The following UGT1A10 variants were observed in gnomAD, a reference collection of about 807,000 sequenced individuals.
The protein encoded by UGT1A10 is UDP glucuronosyltransferase family 1 member A10.
Under a neutral mutation model 45.8 loss-of-function variants are expected in UGT1A10, and 49 were observed. The observed-to-expected ratio is 1.07, with a 90% CI of 0.85 to 1.36. The LOEUF is 1.36. Ranked by LOEUF, UGT1A10 falls within the 40% of genes most tolerant of loss-of-function variation. UGT1A10 has a pLI of 0.00. For synonymous variants in UGT1A10, 284 were observed against 249.7 expected, an observed-to-expected ratio of 1.14 and a Z score of -1.29; for missense variants, 745 against 668.6, an observed-to-expected ratio of 1.11 and a Z score of -1.26.
chr2:233,668,576 T>A (rs2074122927), intron 1 of UGT1A10, among the ~76,000 whole-genome samples: 1 of 152,216 alleles, frequency 6.6e-6, no homozygotes, highest in South Asian at 2.1e-4. Context: ...TACCCAGTAA[T>A]GGGATGGCTG....
chr2:233,759,778 A>G (rs2125976593), intron 1 of UGT1A10, among the ~76,000 whole-genome samples: 1 of 152,308 alleles, frequency 6.6e-6, no homozygotes, highest in South Asian at 2.1e-4. Flanking sequence ...TGTTGGACGA[A>G]GGAATGAAAC....
chr2:233,724,246 C>T (rs1219453844), intron 1 of UGT1A10, among the ~76,000 whole-genome samples: 28 of 121,870 alleles, frequency 2.3e-4, no homozygotes, highest in African/African-American at 8.0e-4. Context: ...CGGGCAGAGG[C>T]GCCCCTCACC....
chr2:233,675,766 G>T (rs924874069), intron 1 of UGT1A10, among the ~76,000 whole-genome samples: 3 of 151,940 alleles, frequency 2.0e-5, no homozygotes, highest in African/African-American at 7.3e-5. Context: ...TCTTTTTAAA[G>T]AAAACTTTTA....
At chr2:233,681,880 C>T (rs924708101) in intron 1 of UGT1A10, 121 of 1,550,920 alleles carry the variant, frequency 7.8e-5, no homozygotes, top group South Asian at 5.5e-4. Context: ...ACTTCTTCCA[C>T]TTACTATATT....
At chr2:233,658,257 G>C (rs1004423839) in intron 1 of UGT1A10, among the ~76,000 whole-genome samples, 4 of 152,078 alleles carry the variant, frequency 2.6e-5, no homozygotes, top group Admixed American at 1.3e-4. Flanking sequence ...GACCTCAAGA[G>C]ACCCACGGAC....
chr2:233,639,620 G>A (rs1021587582), intron 1 of UGT1A10, among the ~76,000 whole-genome samples: 1 of 152,192 alleles, frequency 6.6e-6, no homozygotes, highest in African/African-American at 2.4e-5. Flanking sequence ...GTATGTGCAG[G>A]TGTGTTTGCG....
intron 1 of UGT1A10, chr2:233,743,644 G>T (rs1317452521): frequency 1.5e-6 from 2 of 1,367,194 alleles, no homozygotes; most frequent in East Asian, 9.1e-5. Flanking sequence ...CGCGGAAGCT[G>T]AAGACGTACT....
chr2:233,647,871 C>T, intron 1 of UGT1A10: 2 of 1,409,650 alleles, frequency 1.4e-6, no homozygotes. Flanking sequence ...TTTTCTATTT[C>T]CTATTTCATT....
At chr2:233,684,201 C>T (rs893084348) in intron 1 of UGT1A10, among the ~76,000 whole-genome samples, 4 of 152,164 alleles carry the variant, frequency 2.6e-5, no homozygotes, top group Non-Finnish European at 5.9e-5. Flanking sequence ...GACTGTTCAA[C>T]CAACTCATGG....
At position 233,709,733 on chromosome 2, in the gene UGT1A10, T is replaced by C. The variant is rs190992275; in HGVS notation, c.856-57301T>C. Reference sequence around the variant, plus strand: ...AATTGAATGATATGTTTTCAATTGATACTACTAAAATAAACATTATTGGAG... The same window carrying C: ...AATTGAATGATATGTTTTCAATTGACACTACTAAAATAAACATTATTGGAG... On this transcript the variant is annotated intron_variant, in intron 1 of 4. Coordinates refer to ENST00000344644, the MANE Select transcript of UGT1A10 (RefSeq NM_019075.4). Among the ~76,000 whole-genome samples the C allele has an allele frequency of 3.6e-3, 552 of 152,338 alleles. 2 individuals are homozygous for C. Among genetic ancestry groups the C allele is most frequent in the Admixed American group, 8.6e-3 (131 of 15,306 alleles).
At chr2:233,767,620 G>T (rs555830057) in intron 2 of UGT1A10, among the ~76,000 whole-genome samples, 1 of 152,270 alleles carries the variant, frequency 6.6e-6, no homozygotes, top group South Asian at 2.1e-4. Flanking sequence ...TAAGTGCACA[G>T]CTTGATAAAT....
intron 1 of UGT1A10, among the ~76,000 whole-genome samples, chr2:233,645,073 G>T (rs910288967): frequency 1.3e-5 from 2 of 152,182 alleles, no homozygotes; most frequent in Non-Finnish European, 2.9e-5. Flanking sequence ...TAGGGACATT[G>T]TCCAATATCA....
Position 233,767,097 on chromosome 2 carries a change from A to G in UGT1A10, c.919A>G (p.Met307Val), listed in dbSNP as rs1699317728. ...HGIVVFSLGS[M>V]VSEIPEKKAM... The stretch of plus-strand genomic sequence containing the variant: ...AATTGTGGTTTTCTCTTTGGGATCA[A>G]TGGTCTCAGAAATTCCAGAGAAGAA... The change falls in exon 2 of 5, where the codon ATG becomes GTG. Residue 307 changes from methionine (M) to valine (V), a missense_variant. Transcript: ENST00000344644. 1 of 1,614,142 alleles carries G rather than the reference A, an allele frequency of 6.2e-7. No individual in the cohort carries two copies. Among genetic ancestry groups the G allele is most frequent in the Non-Finnish European group, 8.5e-7 (1 of 1,180,030 alleles).
At chr2:233,718,190 C>T (rs2076637077) in intron 1 of UGT1A10, among the ~76,000 whole-genome samples, 1 of 152,170 alleles carries the variant, frequency 6.6e-6, no homozygotes, top group African/African-American at 2.4e-5. Context: ...GCTCAGCCTC[C>T]CCGGAGCTTT....
At chr2:233,650,216 T>C (rs2073705737) in intron 1 of UGT1A10, among the ~76,000 whole-genome samples, 3 of 152,126 alleles carry the variant, frequency 2.0e-5, no homozygotes, top group African/African-American at 7.2e-5. Context: ...GTGATCTGCC[T>C]GCCTCGGCCT....
At chr2:233,661,166 C>CTT (rs35723461) in intron 1 of UGT1A10, among the ~76,000 whole-genome samples, 7 of 151,080 alleles carry the variant, frequency 4.6e-5, no homozygotes, top group South Asian at 4.2e-4. Context: ...TAGTTTCAGA[C>CTT]TTTTTTTTTC....
At chr2:233,717,660 C>T (rs1182595168) in intron 1 of UGT1A10, 1 of 409,710 alleles carries the variant, frequency 2.4e-6, no homozygotes, top group Non-Finnish European at 5.0e-6. Context: ...AAGGAAGCAT[C>T]AGCAATCTTG....
At chr2:233,755,462 T>C (rs1695929337) in intron 1 of UGT1A10, 1 of 276,566 alleles carries the variant, frequency 3.6e-6, no homozygotes, top group Non-Finnish European at 7.1e-6. Flanking sequence ...CTGGCCCTGC[T>C]CTCTGTGAGG....
intron 1 of UGT1A10, among the ~76,000 whole-genome samples, chr2:233,659,739 G>A (rs181243173): frequency 6.6e-6 from 1 of 152,308 alleles, no homozygotes; most frequent in African/African-American, 2.4e-5. Flanking sequence ...GCTTGATATA[G>A]TATGAATTCT....
Sources: allele counts gnomAD v4.1 joint callset (sites outside exome capture counted in the v4.1 genomes callset), GRCh38; gene constraint gnomAD v4.1.1; transcripts MANE v1.5; gene names NCBI Gene and HGNC (gene_info 2026-07-23, HGNC 2026-07-21).